The following RHBDD1 variants were observed in gnomAD, a reference collection of about 807,000 sequenced individuals.
RHBDD1 encodes rhomboid-related protein 4.
Under a neutral mutation model 36.3 loss-of-function variants are expected in RHBDD1, and 38 were observed. The observed-to-expected ratio is 1.05, with a 90% CI of 0.81 to 1.37. The LOEUF (loss-of-function observed/expected upper bound fraction) is 1.37. RHBDD1 is among the 40% of genes most tolerant of loss of function. The pLI, the probability that RHBDD1 is intolerant of heterozygous loss-of-function variation, is 0.00. For synonymous variants in RHBDD1, 151 were observed against 136.5 expected, an observed-to-expected ratio of 1.11 and a Z score of -0.74; for missense variants, 393 against 377.6, an observed-to-expected ratio of 1.04 and a Z score of -0.34.
intron 8 of RHBDD1, among the ~76,000 whole-genome samples, chr2:226,993,989 C>T (rs1958840624): frequency 6.6e-6 from 1 of 152,156 alleles, no homozygotes; most frequent in Non-Finnish European, 1.5e-5. Context: ...GCTTTGCCCA[C>T]CCTCCCTTCC....
At chr2:226,826,518 T>TC in the RHBDD1 span, among the ~76,000 whole-genome samples, 1 of 2,330 alleles carries the variant, frequency 4.3e-4, no homozygotes, top group Non-Finnish European at 4.4e-3. Context: ...TCATGATAGA[T>TC]TTTTTTTTTT....
At chr2:226,889,877 T>C (rs1946549370) in intron 5 of RHBDD1, among the ~76,000 whole-genome samples, 1 of 152,244 alleles carries the variant, frequency 6.6e-6, no homozygotes, top group Non-Finnish European at 1.5e-5. Context: ...TTCATAGTCC[T>C]AGGCCCTTGA....
chr2:226,817,985 T>C, the RHBDD1 span, among the ~76,000 whole-genome samples: 2 of 152,118 alleles, frequency 1.3e-5, no homozygotes, highest in Non-Finnish European at 2.9e-5. Context: ...AACTGCATTG[T>C]TAAGGTTATA....
intron 5 of RHBDD1, among the ~76,000 whole-genome samples, chr2:226,890,161 A>G (rs1946567761): frequency 6.6e-6 from 1 of 152,178 alleles, no homozygotes; most frequent in African/African-American, 2.4e-5. Context: ...GTTTGCTGAC[A>G]ATTTACTGAA....
chr2:226,867,279 G>A lies in RHBDD1; in HGVS notation c.527G>A (p.Cys176Tyr). The change falls in exon 5 of 9, where the codon TGT (cysteine) becomes TAT (tyrosine). Residue 176 changes from cysteine (C) to tyrosine (Y), a missense_variant. Physicochemically the swap from Cys to Tyr is radical, Grantham distance 194. Coordinates refer to ENST00000392062, the MANE Select transcript of RHBDD1 (RefSeq NM_001167608.3). ...LGFPVPNRFA[C>Y]WVELVAIHLF... ...TTTCCTGTACCGAACAGATTTGCTT[G>A]TTGGGTCGAACTTGTGGCTATTCAT... 1.1e-5 allele frequency: 18 copies of A among 1,613,668 alleles called. No homozygotes were observed. The highest frequency in any genetic ancestry group is 1.5e-5 in the Non-Finnish European group (18 of 1,179,830).
chr2:226,857,872 A>C (rs1428584930), intron 3 of RHBDD1, among the ~76,000 whole-genome samples: 1 of 152,184 alleles, frequency 6.6e-6, no homozygotes, highest in East Asian at 1.9e-4. Context: ...TTGTGAATAT[A>C]CTAAAAAAAA....
At chr2:226,990,005 C>T (rs1047917208) in intron 8 of RHBDD1, among the ~76,000 whole-genome samples, 11 of 152,206 alleles carry the variant, frequency 7.2e-5, no homozygotes, top group African/African-American at 2.7e-4. Context: ...TCTAAAGTCA[C>T]ATCTAAATAT....
chr2:226,911,541 CTTT>C (rs869309466), intron 7 of RHBDD1, among the ~76,000 whole-genome samples: 5 of 71,428 alleles, frequency 7.0e-5, no homozygotes, highest in African/African-American at 1.3e-4. Context: ...TGTGAAAGTT[CTTT>C]TTTTTTTTTT....
intron 5 of RHBDD1, among the ~76,000 whole-genome samples, chr2:226,897,092 G>C (rs563177269): frequency 3.9e-5 from 6 of 152,262 alleles, no homozygotes; most frequent in African/African-American, 1.4e-4. Flanking sequence ...GTGAGCCATC[G>C]TGCCTGGCCA....
At chr2:226,876,473 A>G (rs1945252469) in intron 5 of RHBDD1, among the ~76,000 whole-genome samples, 2 of 152,214 alleles carry the variant, frequency 1.3e-5, no homozygotes, top group African/African-American at 4.8e-5. Context: ...ATATTATCAC[A>G]TATCATCCTT....
chr2:226,813,039 C>T, the RHBDD1 span, among the ~76,000 whole-genome samples: 1 of 152,166 alleles, frequency 6.6e-6, no homozygotes, highest in Non-Finnish European at 1.5e-5. Flanking sequence ...TGAGTCCATC[C>T]TCTGGCTCCA....
At chr2:226,859,257 G>A (rs1310437765) in intron 3 of RHBDD1, among the ~76,000 whole-genome samples, 1 of 152,268 alleles carries the variant, frequency 6.6e-6, no homozygotes, top group East Asian at 1.9e-4. Context: ...GCGGGAGTGG[G>A]GTGGGAAATG....
chr2:226,937,970 G>A (rs1357824348), intron 8 of RHBDD1, among the ~76,000 whole-genome samples: 1 of 152,168 alleles, frequency 6.6e-6, no homozygotes, highest in Non-Finnish European at 1.5e-5. Flanking sequence ...TAATGGGATT[G>A]CTGGGTTGAA....
At chr2:226,977,230 C>T (rs1233738756) in intron 8 of RHBDD1, among the ~76,000 whole-genome samples, 4 of 152,186 alleles carry the variant, frequency 2.6e-5, no homozygotes, top group Non-Finnish European at 4.4e-5. Context: ...GTCTCCCCTT[C>T]GGCAAGCTCC....
intron 8 of RHBDD1, among the ~76,000 whole-genome samples, chr2:226,986,195 G>T (rs1956916494): frequency 6.6e-6 from 1 of 152,190 alleles, no homozygotes; most frequent in Non-Finnish European, 1.5e-5. Context: ...GGTCAAGAAA[G>T]GACTCAGAAA....
At chr2:226,848,319 C>G (rs1942435615) in intron 3 of RHBDD1, among the ~76,000 whole-genome samples, 1 of 152,138 alleles carries the variant, frequency 6.6e-6, no homozygotes, top group Non-Finnish European at 1.5e-5. Context: ...TTTAAAAATG[C>G]ATGAATATCT....
At chr2:226,979,123 AG>A (rs1363014303) in intron 8 of RHBDD1, among the ~76,000 whole-genome samples, 2 of 152,192 alleles carry the variant, frequency 1.3e-5, no homozygotes, top group African/African-American at 4.8e-5. Flanking sequence ...CTCAAAACAA[AG>A]GAAACCTGCA....
At chr2:226,949,026 C>T (rs1163407915) in intron 8 of RHBDD1, among the ~76,000 whole-genome samples, 1 of 152,112 alleles carries the variant, frequency 6.6e-6, no homozygotes, top group Non-Finnish European at 1.5e-5. Flanking sequence ...CTCCCATTCA[C>T]AATTGCTACA....
Position 226,866,603 on chromosome 2 carries a change from T to C in RHBDD1, c.434-583T>C, listed in dbSNP as rs188320276. Among the ~76,000 whole-genome samples the C allele has an allele frequency of 1.2e-3, 188 of 152,290 alleles. 1 individual carries two copies. Among genetic ancestry groups the C allele is most frequent in the African/African-American group, 3.9e-3 (164 of 41,562 alleles). ...CTCACTAGTTCCTTTTTACAGATAT[T>C]TCATGGGACCAAAATTGCCAGCAGG... On this transcript the variant is annotated intron_variant, in intron 4 of 8. Transcript: ENST00000392062.
Sources: gnomAD v4.1 joint callset for allele counts (sites outside exome capture counted in the v4.1 genomes callset) on GRCh38, gnomAD v4.1.1 for gene constraint, MANE v1.5 for transcripts, NCBI Gene and HGNC (gene_info 2026-07-23, HGNC 2026-07-21) for gene names.